Variants in ERCC6 observed in about 807,000 individuals in gnomAD.
The protein encoded by ERCC6 is DNA excision repair protein ERCC-6.
Under a neutral mutation model 158.7 loss-of-function variants are expected in ERCC6, and 116 were observed. The ratio of observed to expected loss-of-function variants is 0.73; its 90% CI spans 0.63 to 0.85. The LOEUF is 0.85. Ranked by LOEUF, ERCC6 falls within the 40% of genes least tolerant of loss-of-function variation. The pLI, the probability that ERCC6 is intolerant of heterozygous loss-of-function variation, is 0.00. For missense variants in ERCC6, 1,698 were observed against 1,799.4 expected (o/e 0.94, Z 1.02); for synonymous variants, 678 against 659.3 (o/e 1.03, Z -0.43).
intron 5 of ERCC6, chr10:49,516,863 A>G: frequency 6.2e-7 from 1 of 1,614,186 alleles, no homozygotes. Context: ...CAGGAGAGTC[A>G]TCTTTAGGTG....
chr10:49,515,907 A>T, intron 5 of ERCC6: 1 of 1,614,198 alleles, frequency 6.2e-7, no homozygotes, highest in Non-Finnish European at 8.5e-7. Context: ...TTTGCCATCA[A>T]TTCGATAATC....
chr10:49,519,064 A>G (rs1285740318), intron 5 of ERCC6, among the ~76,000 whole-genome samples: 1 of 152,234 alleles, frequency 6.6e-6, no homozygotes, highest in Non-Finnish European at 1.5e-5. Context: ...CAGGTCTTCT[A>G]GACTCCTGAG....
At chr10:49,467,485 T>C (rs944945230) in intron 18 of ERCC6, among the ~76,000 whole-genome samples, 1 of 152,144 alleles carries the variant, frequency 6.6e-6, no homozygotes, top group African/African-American at 2.4e-5. Flanking sequence ...TATTAACAAG[T>C]TTCATATATT....
At chr10:49,515,086 C>T (rs1836906139) in intron 5 of ERCC6, 2 of 732,706 alleles carry the variant, frequency 2.7e-6, no homozygotes, top group South Asian at 3.4e-5. Flanking sequence ...TAAAAGAAGG[C>T]AATGTGCTCT....
At chr10:49,528,202 T>TA (rs1305147409) in intron 4 of ERCC6, among the ~76,000 whole-genome samples, 1 of 152,244 alleles carries the variant, frequency 6.6e-6, no homozygotes, top group Non-Finnish European at 1.5e-5. Flanking sequence ...AGCAGCCTCC[T>TA]ATGAACTGAG....
the ERCC6 span, among the ~76,000 whole-genome samples, chr10:49,437,968 C>T: frequency 6.6e-6 from 1 of 152,212 alleles, no homozygotes; most frequent in African/African-American, 2.4e-5. Context: ...GGACTACTTG[C>T]AATACCTAAT....
chr10:49,523,014 G>T (rs1837210873), intron 5 of ERCC6, among the ~76,000 whole-genome samples: 1 of 152,132 alleles, frequency 6.6e-6, no homozygotes, highest in Non-Finnish European at 1.5e-5. Context: ...GTAGTGTCTG[G>T]ACGGGGGTTA....
chr10:49,435,458 A>G, the ERCC6 span, among the ~76,000 whole-genome samples: 2 of 152,202 alleles, frequency 1.3e-5, no homozygotes, highest in Admixed American at 1.3e-4. Flanking sequence ...AAAATAGCCA[A>G]TCCCACGCAG....
intron 7 of ERCC6, among the ~76,000 whole-genome samples, chr10:49,499,367 T>TAA (rs1405087356): frequency 2.0e-5 from 3 of 152,220 alleles, no homozygotes; most frequent in Non-Finnish European, 4.4e-5. Flanking sequence ...AATAAAACAC[T>TAA]AAACTCTGGA....
intron 8 of ERCC6, among the ~76,000 whole-genome samples, chr10:49,489,540 G>A (rs1360166712): frequency 6.6e-6 from 1 of 152,170 alleles, no homozygotes; most frequent in African/African-American, 2.4e-5. Context: ...CAAAACCAAT[G>A]CACTTAAAAC....
rs1286816047 is a variant in ERCC6 at position 49,532,884 on chromosome 10, T to A, written c.81A>T (p.Glu27Asp). 9 of 1,614,134 alleles carry A rather than the reference T, an allele frequency of 5.6e-6. No homozygotes were observed. The highest frequency in any genetic ancestry group is 7.6e-6 in the Non-Finnish European group (9 of 1,180,050). The change falls in exon 2 of 21, where the codon GAA (glutamate) becomes GAT (aspartate). Residue 27 changes from glutamate (E) to aspartate (D), a missense_variant. Transcript: ENST00000355832. ...CLQSQPVSNN[E>D]EMAIKQESGG... ...CACTTTCTTGCTTGATTGCCATTTC[T>A]TCATTATTACTGACAGGTTGACTCT...
At position 49,500,700 on chromosome 10, in the gene ERCC6, T is replaced by C. The variant is rs1249330019; in HGVS notation, c.1527-4A>G. On this transcript the variant is annotated splice_region_variant and splice_polypyrimidine_tract_variant and intron_variant, in intron 6 of 20. Coordinates refer to ENST00000355832, the MANE Select transcript of ERCC6 (RefSeq NM_000124.4). ...CCTAACACCTGTCTGCTGGTACCTA[T>C]GACAACAAACACCAACAAGAAAAGA... is the stretch of plus-strand genomic sequence containing the variant. The C allele has an allele frequency of 1.2e-6, 2 of 1,613,520 alleles. No individual in the cohort carries two copies. Among genetic ancestry groups the C allele is most frequent in the East Asian group, 2.2e-5 (1 of 44,878 alleles).
rs1273087030 is a variant in ERCC6 at position 49,473,457 on chromosome 10, C to T, written c.2709+20G>A. 6.8e-7 allele frequency: 1 copy of T among 1,463,482 alleles called. No homozygotes were observed. The highest frequency in any genetic ancestry group is 9.6e-7 in the Non-Finnish European group (1 of 1,042,416). 90.7% of individuals were successfully genotyped at this position (1,463,482 alleles called of 1,614,324 possible). A position where few individuals can be genotyped will look rare whatever the true frequency, so the allele number is the denominator to read the frequency against. On this transcript the variant is annotated intron_variant, in intron 14 of 20. Coordinates refer to ENST00000355832, the MANE Select transcript of ERCC6 (RefSeq NM_000124.4). ...CGTACAGCAGCACCACTCAACTTCCCTGTTACATTCACATGTTACCTCATT... is the reference window on the plus strand; with the variant it reads ...CGTACAGCAGCACCACTCAACTTCCTTGTTACATTCACATGTTACCTCATT...
chr10:49,451,776 C>A (rs528825301), downstream of ERCC6, among the ~76,000 whole-genome samples: 71 of 152,252 alleles, frequency 4.7e-4, no homozygotes, highest in Admixed American at 9.1e-4. Flanking sequence ...GGGAAGTACT[C>A]CCTCCTATTT....
rs373522295 is a variant in ERCC6, at chr10:49,493,175, C to G, written c.1763G>C (p.Trp588Ser). 1.6e-5 allele frequency: 26 copies of G among 1,613,934 alleles called. No homozygotes were observed. The highest frequency in any genetic ancestry group is 1.6e-4 in the Middle Eastern group (1 of 6,084). Residue 588 changes from tryptophan to serine, a missense_variant, in exon 8 of 21, where the codon TGG becomes TCG. Transcript: ENST00000355832. The part of the protein sequence containing the change: ...MHQWVKEFHT[W>S]WPPFRVAILH... ...AATTGCCACTCTGAACGGAGGCCAC[C>G]ACGTGTGAAATTCCTTCACCCACTG...
At position 49,455,365 on chromosome 10, in the gene ERCC6, G is replaced by C. The variant is rs1850468275; in HGVS notation, c.*3450C>G. 1 of 152,130 alleles carries C rather than the reference G, an allele frequency of 6.6e-6. No individual in the cohort carries two copies. Among genetic ancestry groups the C allele is most frequent in the African/African-American group, 2.4e-5 (1 of 41,422 alleles). 9.4% of individuals were successfully genotyped at this position (152,130 alleles called of 1,614,324 possible). ...TAATGTGTAAACAAATGCAATCCTAGTCAAAAGAACACCACAATTTTACTG... is the reference window on the plus strand; with the variant it reads ...TAATGTGTAAACAAATGCAATCCTACTCAAAAGAACACCACAATTTTACTG... On this transcript the variant is annotated 3_prime_UTR_variant, in exon 21 of 21. Transcript: ENST00000355832.
chr10:49,480,128 C>T lies in ERCC6; in HGVS notation c.2170-1658G>A, dbSNP rs909763000. Among the ~76,000 whole-genome samples the T allele has an allele frequency of 2.6e-5, 4 of 152,314 alleles. No homozygotes were observed. In the South Asian group the frequency reaches 8.3e-4, roughly 32 times the overall value. On this transcript the variant is annotated intron_variant, in intron 10 of 20. Coordinates refer to ENST00000355832, the MANE Select transcript of ERCC6 (RefSeq NM_000124.4). Reference sequence around the variant, plus strand: ...TCACATGCCCTGCCCCAGCTGAGCACACCAACCCCAGCAGCAGTCTATATT... The same window carrying T: ...TCACATGCCCTGCCCCAGCTGAGCATACCAACCCCAGCAGCAGTCTATATT...
intron 7 of ERCC6, among the ~76,000 whole-genome samples, chr10:49,499,226 A>G (rs1851315750): frequency 6.6e-6 from 1 of 152,218 alleles, no homozygotes; most frequent in Non-Finnish European, 1.5e-5. Context: ...GATGTTTAGC[A>G]TTTAAAAATC....
At chr10:49,443,887 T>C in the ERCC6 span, among the ~76,000 whole-genome samples, 7 of 152,214 alleles carry the variant, frequency 4.6e-5, no homozygotes, top group Non-Finnish European at 1.0e-4. Flanking sequence ...GCCTATGACA[T>C]GCTGCTCAGA....
Sources: allele counts gnomAD v4.1 joint callset (sites outside exome capture counted in the v4.1 genomes callset), GRCh38; gene constraint gnomAD v4.1.1; transcripts MANE v1.5; gene names NCBI Gene and HGNC (gene_info 2026-07-23, HGNC 2026-07-21).